IQANK1: variants seen among roughly 807,000 people sequenced by gnomAD.
The protein encoded by IQANK1 is IQ motif and ankyrin repeat domain-containing protein 1.
In IQANK1, 30 loss-of-function variants were observed where a neutral mutation model predicts 22.6. The observed-to-expected ratio is 1.33, with a 90% CI of 0.99 to 1.80. IQANK1 has a LOEUF of 1.80. Among genes scored for constraint, IQANK1 ranks in the 40% most tolerant of loss-of-function variants. IQANK1 has a pLI of 0.00. For missense variants in IQANK1, 275 were observed against 235.2 expected (o/e 1.17, Z -1.11); for synonymous variants, 122 against 99.6 (o/e 1.23, Z -1.34).
intron 3 of IQANK1, among the ~76,000 whole-genome samples, chr8:143,743,331 G>T (rs1402562411): frequency 2.6e-5 from 4 of 152,138 alleles, no homozygotes; most frequent in African/African-American, 9.7e-5. Context: ...TCCAACTGCT[G>T]GGCTTAAGTG....
rs1423071009 is a variant in IQANK1 at position 143,751,625 on chromosome 8, AG to A, written c.175+11678del. ...AGACTTCATCTCAAAAAAAAAAAAA[AG>A]TGTGTGTGTGTGTGTGTGTGTGTGT... On this transcript the variant is annotated intron_variant, in intron 3 of 13. Transcript: ENST00000527139. Among the ~76,000 whole-genome samples the A allele has an allele frequency of 2.3e-3, 221 of 95,996 alleles. 1 individual carries two copies. Among genetic ancestry groups the A allele is most frequent in the African/African-American group, 7.8e-3 (210 of 26,918 alleles). 63.0% of individuals were successfully genotyped at this position (95,996 alleles called of 152,430 possible). A position where few individuals can be genotyped will look rare whatever the true frequency, so the allele number is the denominator to read the frequency against.
chr8:143,753,412 C>T (rs527594215), intron 3 of IQANK1, among the ~76,000 whole-genome samples: 2 of 148,714 alleles, frequency 1.3e-5, no homozygotes, highest in East Asian at 3.9e-4. Context: ...GTTTTAAAGT[C>T]TTTGTCTAGT....
intron 3 of IQANK1, among the ~76,000 whole-genome samples, chr8:143,751,383 C>T (rs150922448): frequency 0.027 from 4,079 of 151,756 alleles, 176 homozygotes; most frequent in African/African-American, 0.093. Flanking sequence ...AGGCCAAGAT[C>T]GGTGGATTAC....
chr8:143,769,544 A>T (rs1030810177), intron 3 of IQANK1, among the ~76,000 whole-genome samples: 2 of 152,076 alleles, frequency 1.3e-5, no homozygotes, highest in Non-Finnish European at 2.9e-5. Flanking sequence ...ATGTCCCCCA[A>T]ATTGCATCCT....
intron 3 of IQANK1, chr8:143,744,895 G>A (rs1818997182): frequency 6.6e-6 from 1 of 152,202 alleles, no homozygotes; most frequent in South Asian, 2.1e-4. Context: ...GATGGACTTG[G>A]GCCACAGTGC....
intron 3 of IQANK1, among the ~76,000 whole-genome samples, chr8:143,748,549 AATATAG>A (rs1267483149): frequency 7.4e-6 from 1 of 135,726 alleles, no homozygotes; most frequent in Non-Finnish European, 1.5e-5. Context: ...ATAATATATA[AATATAG>A]ATATATATAT....
rs76363033 is a variant in IQANK1, at chr8:143,790,372, G to A, written c.1447G>A (p.Asp483Asn). 4.8e-6 allele frequency: 5 copies of A among 1,045,544 alleles called. No homozygotes were observed. Among genetic ancestry groups the A allele is most frequent in the East Asian group, 3.2e-5 (1 of 30,772 alleles). The allele number at this position is 1,045,544 out of a possible 1,614,324, so 64.8% of individuals were successfully genotyped here. A position where few individuals can be genotyped will look rare whatever the true frequency, so the allele number is the denominator to read the frequency against. ...ALRYGKPLVF[D>N]LREEDLFPVV... Reference sequence around the variant, plus strand: ...CAGGTATGGGAAGCCGCTGGTGTTCGACCTGCGAGAGGAAGACCTGTTCCC... The same window carrying A: ...CAGGTATGGGAAGCCGCTGGTGTTCAACCTGCGAGAGGAAGACCTGTTCCC... The change falls in exon 14 of 14, where the codon GAC becomes AAC. Residue 483 changes from aspartate to asparagine, a missense_variant. Transcript: ENST00000527139.
intron 3 of IQANK1, among the ~76,000 whole-genome samples, chr8:143,757,822 T>G (rs1712614731): frequency 6.6e-6 from 1 of 152,186 alleles, no homozygotes; most frequent in African/African-American, 2.4e-5. Context: ...TTTCATCTTT[T>G]AGGAGATATT....
rs1164713893 is a variant in IQANK1 at position 143,789,983 on chromosome 8, C to A, written c.1208C>A (p.Ala403Glu). 1 of 1,231,906 alleles carries A rather than the reference C, an allele frequency of 8.1e-7. No individual in the cohort carries two copies. The highest frequency in any genetic ancestry group is 1.0e-6 in the Non-Finnish European group (1 of 988,030). 76.3% of individuals were successfully genotyped at this position (1,231,906 alleles called of 1,614,324 possible). A position where few individuals can be genotyped will look rare whatever the true frequency, so the allele number is the denominator to read the frequency against. ...REQTQEGEEE[A>E]PGLKCQVTEL... is the part of the protein sequence containing the mutation. ...GCTACCCCGACAGGGGAGGAAGAGG[C>A]GCCTGGGCTGAAGTGCCAGGTCACC... The change falls in exon 12 of 14, where the codon GCG becomes GAG. Residue 403 changes from alanine to glutamate, a missense_variant. Ala to Glu is a moderately radical substitution (Grantham distance 107, BLOSUM62 -1). Transcript: ENST00000527139.
At chr8:143,734,324 G>A (rs1818660135) in intron 1 of IQANK1, 105 bp downstream of exon 1, 3 of 151,880 alleles carry the variant, frequency 2.0e-5, no homozygotes, top group South Asian at 4.2e-4. Context: ...CCGCACCAGC[G>A]CCCCACACGT....
chr8:143,783,197 C>T (rs1819828197), intron 7 of IQANK1, among the ~76,000 whole-genome samples: 1 of 152,148 alleles, frequency 6.6e-6, no homozygotes, highest in African/African-American at 2.4e-5. Context: ...ACCAGTTTAT[C>T]CACTCCCACT....
At chr8:143,767,305 T>C (rs1369979705) in intron 3 of IQANK1, among the ~76,000 whole-genome samples, 1 of 152,232 alleles carries the variant, frequency 6.6e-6, no homozygotes, top group Admixed American at 6.5e-5. Context: ...TCTCCTTTTG[T>C]TTTCTGTTTT....
rs1554629781 is a variant in IQANK1 at position 143,771,656 on chromosome 8, G to GGAGGCAGGGGGAGGAAATGGC, written c.306+41_306+61dup. The GGAGGCAGGGGGAGGAAATGGC allele has an allele frequency of 2.0e-5, 8 of 399,380 alleles. No homozygotes were observed. The highest frequency in any genetic ancestry group is 3.5e-5 in the Non-Finnish European group (8 of 226,920). The allele number at this position is 399,380 out of a possible 1,614,324, so 24.7% of individuals were successfully genotyped here. ...AGCCGCAACAGCCGGGGGCCAGGCA[G>GGAGGCAGGGGGAGGAAATGGC]GAGGCAGGGGGAGGAAATGGCGAAG... On this transcript the variant is annotated intron_variant, in intron 4 of 13. Coordinates refer to ENST00000527139, the MANE Select transcript of IQANK1 (RefSeq NM_001381874.1). The surrounding 1 kb of genome is among the most constrained non-coding windows in gnomAD (Gnocchi z 6.0).
At chr8:143,773,307 A>AAACAAAAAAAAAC (rs797032966) in intron 7 of IQANK1, among the ~76,000 whole-genome samples, 55 of 143,228 alleles carry the variant, frequency 3.8e-4, no homozygotes, top group African/African-American at 1.3e-3. Flanking sequence ...ACTCAAAAAA[A>AAACAAAAAAAAAC]AAAAAAAAAC....
Position 143,772,114 on chromosome 8 carries a change from G to C in IQANK1, c.534G>C (p.Leu178=), listed in dbSNP as rs1819587689. The C allele has an allele frequency of 1.0e-5, 4 of 395,866 alleles. No individual in the cohort carries two copies. The highest frequency in any genetic ancestry group is 1.8e-5 in the Non-Finnish European group (4 of 224,364). 24.5% of individuals were successfully genotyped at this position (395,866 alleles called of 1,614,324 possible). The part of the protein sequence containing the change: ...GHDEAGEARR[L]QRRVALAECE... ...ACGAGGCAGGCGAGGCGCGGCGGCT[G>C]CAGCGACGCGTGGCTCTGGCGGAGT... Residue 178 remains leucine, a synonymous_variant, in exon 6 of 14, where the codon CTG becomes CTC. Transcript: ENST00000527139.
At position 143,735,944 on chromosome 8, in the gene IQANK1, T is replaced by C. The variant is rs1554625611; in HGVS notation, c.85+6T>C. The C allele has an allele frequency of 1.4e-6, 1 of 702,410 alleles. No individual in the cohort carries two copies. The highest frequency in any genetic ancestry group is 2.0e-5 in the Admixed American group (1 of 49,986). The allele number at this position is 702,410 out of a possible 1,614,324, so 43.5% of individuals were successfully genotyped here. A position where few individuals can be genotyped will look rare whatever the true frequency, so the allele number is the denominator to read the frequency against. On this transcript the variant is annotated splice_donor_region_variant and intron_variant, in intron 2 of 13. Transcript: ENST00000527139. This position sits in a 1 kb window ranked among gnomAD's most constrained non-coding sequence, Gnocchi z 5.2. The stretch of plus-strand genomic sequence containing the variant: ...CAAGACAAGAGCTGCTGCTGGTAAG[T>C]GCACCCTCTGACCTCCAGAGCACTG...
intron 7 of IQANK1, among the ~76,000 whole-genome samples, chr8:143,773,953 GC>G (rs1403466752): frequency 6.6e-6 from 1 of 152,182 alleles, no homozygotes; most frequent in Admixed American, 6.5e-5. Context: ...GCCCTTGGGT[GC>G]CAGGGGACTG....
chr8:143,762,304 C>T (rs1554628926), intron 3 of IQANK1, among the ~76,000 whole-genome samples: 1 of 138,454 alleles, frequency 7.2e-6, no homozygotes, highest in African/African-American at 2.6e-5. Context: ...AGTGAAACTC[C>T]ATCTAAAGGA....
At chr8:143,783,164 GCA>G (rs1819827375) in intron 7 of IQANK1, among the ~76,000 whole-genome samples, 1 of 152,278 alleles carries the variant, frequency 6.6e-6, no homozygotes, top group East Asian at 1.9e-4. Context: ...GTACATATGT[GCA>G]CAGTTTTCCA....
Sources: allele counts gnomAD v4.1 joint callset (sites outside exome capture counted in the v4.1 genomes callset), GRCh38; gene constraint gnomAD v4.1.1; non-coding constraint Gnocchi (gnomAD v3.1); transcripts MANE v1.5; gene names NCBI Gene and HGNC (gene_info 2026-07-23, HGNC 2026-07-21).